The following NUBPL variants were observed in gnomAD, a reference collection of about 807,000 sequenced individuals.
NUBPL encodes NUBP iron-sulfur cluster assembly factor, mitochondrial.
A neutral mutation model predicts 45.7 loss-of-function variants in NUBPL; 31 were observed. The ratio of observed to expected loss-of-function variants is 0.68; its 90% CI spans 0.51 to 0.92. NUBPL has a LOEUF of 0.92. Among genes scored for constraint, NUBPL ranks in the 40% least tolerant of loss-of-function variants. The pLI is 0.00. For synonymous variants in NUBPL, 144 were observed against 140.9 expected (o/e 1.02, Z -0.15); for missense variants, 401 against 398.7 (o/e 1.01, Z -0.05).
chr14:31,734,526 A>T (rs1417333312), intron 6 of NUBPL, among the ~76,000 whole-genome samples: 1 of 152,206 alleles, frequency 6.6e-6, no homozygotes, highest in Non-Finnish European at 1.5e-5. Context: ...TTTTTTCTTC[A>T]CATAATATCT....
At chr14:31,813,049 G>T (rs2039842745) in intron 7 of NUBPL, among the ~76,000 whole-genome samples, 1 of 148,652 alleles carries the variant, frequency 6.7e-6, no homozygotes, top group African/African-American at 2.5e-5. Context: ...CAGTGTAGTG[G>T]TGTATCTCGG....
chr14:31,805,920 A>G (rs553957110), intron 7 of NUBPL, among the ~76,000 whole-genome samples: 17 of 152,226 alleles, frequency 1.1e-4, no homozygotes, highest in African/African-American at 4.1e-4. Context: ...AAATTAAAAA[A>G]TTTTGGGGGG....
intron 4 of NUBPL, among the ~76,000 whole-genome samples, chr14:31,635,013 C>T (rs1196994668): frequency 1.6e-4 from 24 of 150,162 alleles, no homozygotes; most frequent in South Asian, 4.2e-4. Flanking sequence ...GAGTAGGTTG[C>T]GAAAATTTTC....
At chr14:31,587,604 T>C (rs570117764) in intron 3 of NUBPL, among the ~76,000 whole-genome samples, 1 of 152,352 alleles carries the variant, frequency 6.6e-6, no homozygotes, top group East Asian at 1.9e-4. Context: ...TTACTATCTG[T>C]TATTTTCTAG....
At chr14:31,703,576 G>C (rs764120762) in intron 6 of NUBPL, among the ~76,000 whole-genome samples, 1 of 152,138 alleles carries the variant, frequency 6.6e-6, no homozygotes, top group African/African-American at 2.4e-5. Context: ...ATGGATGGCC[G>C]CAGACAGAGA....
intron 6 of NUBPL, among the ~76,000 whole-genome samples, chr14:31,775,541 G>C (rs771785635): frequency 6.6e-6 from 1 of 152,214 alleles, no homozygotes; most frequent in Non-Finnish European, 1.5e-5. Flanking sequence ...TCTCTTGGCT[G>C]ACTCAAGTCT....
At chr14:31,727,897 A>G (rs1438231805) in intron 6 of NUBPL, among the ~76,000 whole-genome samples, 2 of 152,216 alleles carry the variant, frequency 1.3e-5, no homozygotes, top group African/African-American at 4.8e-5. Flanking sequence ...ATAAGCTGGG[A>G]ACTGTTGCAT....
intron 8 of NUBPL, chr14:31,844,835 G>T (rs1005869396): frequency 2.6e-5 from 4 of 152,278 alleles, no homozygotes; most frequent in East Asian, 1.9e-4. Flanking sequence ...TGAAAATAGT[G>T]TTCTGCATTT....
chr14:31,827,731 G>A (rs2040128593), intron 8 of NUBPL, among the ~76,000 whole-genome samples: 1 of 152,078 alleles, frequency 6.6e-6, no homozygotes, highest in Non-Finnish European at 1.5e-5. Context: ...TAAATTGTAT[G>A]CCTACAAGTA....
intron 6 of NUBPL, among the ~76,000 whole-genome samples, chr14:31,784,428 A>G (rs1240577212): frequency 6.6e-6 from 1 of 152,188 alleles, no homozygotes; most frequent in Non-Finnish European, 1.5e-5. Context: ...GAGAAGAGGG[A>G]AGGAACCTTC....
At chr14:31,577,407 C>T (rs2033744532) in intron 3 of NUBPL, among the ~76,000 whole-genome samples, 1 of 152,008 alleles carries the variant, frequency 6.6e-6, no homozygotes, top group Non-Finnish European at 1.5e-5. Flanking sequence ...GATTGCTTGG[C>T]TTGGTTTGTT....
chr14:31,605,006 G>A (rs2034546531), intron 4 of NUBPL, among the ~76,000 whole-genome samples: 1 of 152,200 alleles, frequency 6.6e-6, no homozygotes, highest in Non-Finnish European at 1.5e-5. Flanking sequence ...AAGATGAGCA[G>A]TTACTTTGGG....
intron 7 of NUBPL, among the ~76,000 whole-genome samples, chr14:31,792,465 A>T (rs1313864367): frequency 9.4e-6 from 1 of 106,506 alleles, no homozygotes; most frequent in Non-Finnish European, 1.9e-5. Flanking sequence ...TGAAGAGACC[A>T]GTATTATCTT....
chr14:31,713,451 C>T (rs536698691), intron 6 of NUBPL, among the ~76,000 whole-genome samples: 11 of 152,246 alleles, frequency 7.2e-5, no homozygotes, highest in East Asian at 5.8e-4. Context: ...TCAGCTCCTT[C>T]GTATCTTTCC....
intron 8 of NUBPL, among the ~76,000 whole-genome samples, chr14:31,830,350 G>A (rs948833917): frequency 2.6e-5 from 4 of 152,082 alleles, no homozygotes; most frequent in Admixed American, 6.5e-5. Flanking sequence ...TCATCCTGTA[G>A]ACTAACTCTA....
At chr14:31,730,737 A>G (rs2038032970) in intron 6 of NUBPL, among the ~76,000 whole-genome samples, 1 of 152,182 alleles carries the variant, frequency 6.6e-6, no homozygotes, top group African/African-American at 2.4e-5. Context: ...AAGTGCTGGG[A>G]TTACAGGCAC....
At chr14:31,834,469 G>A (rs752695871) in intron 8 of NUBPL, among the ~76,000 whole-genome samples, 32 of 152,094 alleles carry the variant, frequency 2.1e-4, no homozygotes, top group African/African-American at 4.6e-4. Context: ...GTGAGCCACT[G>A]CGCCTGGCCG....
chr14:31,605,922 C>CCTTCTCCCTCCTCCTCTTGTCCTCT (rs1384352430), intron 4 of NUBPL, among the ~76,000 whole-genome samples: 5 of 147,996 alleles, frequency 3.4e-5, no homozygotes, highest in Admixed American at 6.8e-5. Flanking sequence ...TCTCCTCCTC[C>CCTTCTCCCTCCTCCTCTTGTCCTCT]CTTCTCCCTC....
chr14:31,632,167 T>C (rs2035362042), intron 4 of NUBPL, among the ~76,000 whole-genome samples: 1 of 152,104 alleles, frequency 6.6e-6, no homozygotes, highest in Non-Finnish European at 1.5e-5. Context: ...TTACAAGATG[T>C]GGGAGAAGTG....
Sources: allele counts gnomAD v4.1 joint callset (sites outside exome capture counted in the v4.1 genomes callset), GRCh38; gene constraint gnomAD v4.1.1; transcripts MANE v1.5; gene names NCBI Gene and HGNC (gene_info 2026-07-23, HGNC 2026-07-21).